TCAIM: variants seen among roughly 807,000 people sequenced by gnomAD.
TCAIM encodes the protein T-cell activation inhibitor, mitochondrial.
TCAIM carries 36 observed loss-of-function variants against 58.6 expected under a neutral mutation model. The ratio of observed to expected loss-of-function variants is 0.61; its 90% confidence interval spans 0.47 to 0.81. TCAIM has a LOEUF of 0.81. Ranked by LOEUF, TCAIM falls within the 30% of genes least tolerant of loss-of-function variation. The pLI, the probability that TCAIM is intolerant of heterozygous loss-of-function variation, is 0.00. For missense variants in TCAIM, 466 were observed against 579.6 expected, an observed-to-expected ratio of 0.80 and a Z score of 2.01; for synonymous variants, 172 against 193.6, an observed-to-expected ratio of 0.89 and a Z score of 0.93.
chr3:44,371,872 C>A (rs758997407), intron 5 of TCAIM, among the ~76,000 whole-genome samples: 5 of 152,100 alleles, frequency 3.3e-5, no homozygotes, highest in Non-Finnish European at 7.4e-5. Flanking sequence ...ACAGTTGACC[C>A]TTGAAGAATG....
chr3:44,341,049 C>T (rs1012208645), intron 1 of TCAIM: 7 of 152,042 alleles, frequency 4.6e-5, no homozygotes, highest in Non-Finnish European at 1.0e-4. Flanking sequence ...AGGAAGTGAT[C>T]ATCTTAGAGC....
intron 5 of TCAIM, among the ~76,000 whole-genome samples, chr3:44,375,050 A>T (rs1029088902): frequency 1.3e-5 from 2 of 152,170 alleles, no homozygotes; most frequent in African/African-American, 4.8e-5. Flanking sequence ...TAGTCCTTGT[A>T]CGTGGTATTC....
chr3:44,384,661 G>C (rs1479702849), intron 5 of TCAIM, among the ~76,000 whole-genome samples: 1 of 152,160 alleles, frequency 6.6e-6, no homozygotes, highest in Admixed American at 6.5e-5. Context: ...TGCTTGATGT[G>C]GGAACAGATC....
chr3:44,358,272 T>G, intron 3 of TCAIM: 11 of 1,166,664 alleles, frequency 9.4e-6, no homozygotes, highest in Non-Finnish European at 1.3e-5. Context: ...TGATGCATGC[T>G]GCTGGACCAC....
At chr3:44,380,674 A>C (rs1423004170) in intron 5 of TCAIM, among the ~76,000 whole-genome samples, 1 of 152,302 alleles carries the variant, frequency 6.6e-6, no homozygotes, top group East Asian at 1.9e-4. Context: ...GATATTAGAT[A>C]AACAAAATGG....
intron 1 of TCAIM, among the ~76,000 whole-genome samples, chr3:44,354,412 A>G (rs1701152076): frequency 6.6e-6 from 1 of 152,106 alleles, no homozygotes; most frequent in South Asian, 2.1e-4. Context: ...GTCTCTCTTT[A>G]TAAACTTTAG....
intron 3 of TCAIM, chr3:44,358,832 T>G (rs1701247869): frequency 1.5e-5 from 15 of 985,296 alleles, no homozygotes; most frequent in Non-Finnish European, 1.1e-5. Flanking sequence ...ATCTTGAAAA[T>G]TAGAACATCG....
intron 6 of TCAIM, among the ~76,000 whole-genome samples, chr3:44,394,924 ATATATATATATATATATATATAT>A (rs1701908534): frequency 9.7e-5 from 2 of 20,690 alleles, no homozygotes; most frequent in African/African-American, 2.0e-4. Flanking sequence ...AAAAAAAAAT[ATATATATATATATATATATATAT>A]ATATATATAT....
rs1449550654 is a variant in TCAIM, at chr3:44,409,366, T to C, written c.*1684T>C. ...TTTGGATTATACGATTTCTAAAATA[T>C]ACTAATACAGAATCCTCAGTAATAT... On this transcript the variant is annotated 3_prime_UTR_variant, in exon 11 of 11. Transcript: ENST00000342649. 2.0e-5 allele frequency: 3 copies of C among 152,214 alleles called. No homozygotes were observed. The highest frequency in any genetic ancestry group is 4.4e-5 in the Non-Finnish European group (3 of 68,026). 9.4% of individuals were successfully genotyped at this position (152,214 alleles called of 1,614,324 possible). A position where few individuals can be genotyped will look rare whatever the true frequency, so the allele number is the denominator to read the frequency against.
chr3:44,402,720 G>A (rs1702039361), intron 10 of TCAIM, among the ~76,000 whole-genome samples: 1 of 152,122 alleles, frequency 6.6e-6, no homozygotes, highest in South Asian at 2.1e-4. Context: ...CTGGAGCACA[G>A]TCAAGTGGGA....
At chr3:44,392,823 G>A (rs758946790) in intron 5 of TCAIM, 32 bp from the exon 6 acceptor site, 1 of 1,586,096 alleles carries the variant, frequency 6.3e-7, no homozygotes, top group East Asian at 2.2e-5. Flanking sequence ...ATTATAGTTA[G>A]TATTGTAAAG....
chr3:44,379,887 A>G (rs1171372518), intron 5 of TCAIM, among the ~76,000 whole-genome samples: 1 of 152,100 alleles, frequency 6.6e-6, no homozygotes, highest in Non-Finnish European at 1.5e-5. Context: ...TTAAAATTAT[A>G]TCTAGGGAAG....
At chr3:44,359,109 A>G (rs947843375) in intron 3 of TCAIM, 3 of 980,472 alleles carry the variant, frequency 3.1e-6, no homozygotes, top group Non-Finnish European at 2.4e-6. Flanking sequence ...TGTATGCAGC[A>G]GGGCATGGTG....
chr3:44,396,138 A>G (rs1037113310), intron 6 of TCAIM, among the ~76,000 whole-genome samples: 2 of 152,268 alleles, frequency 1.3e-5, no homozygotes, highest in African/African-American at 2.4e-5. Flanking sequence ...AAATAGAAAC[A>G]TCTTATATTT....
intron 1 of TCAIM, chr3:44,340,308 G>C (rs962544105): frequency 2.2e-4 from 33 of 152,118 alleles, no homozygotes; most frequent in African/African-American, 7.7e-4. Context: ...CAGTTATCAG[G>C]CCTTCTAATT....
chr3:44,366,848 C>T (rs977305593), intron 4 of TCAIM, among the ~76,000 whole-genome samples: 1 of 152,262 alleles, frequency 6.6e-6, no homozygotes. Flanking sequence ...AATCCACCCA[C>T]CTTGGCCTCC....
At chr3:44,393,348 C>G (rs554317733) in intron 6 of TCAIM, among the ~76,000 whole-genome samples, 57 of 151,998 alleles carry the variant, frequency 3.8e-4, no homozygotes, top group African/African-American at 1.4e-3. Flanking sequence ...GTAGTCTCAG[C>G]TACTTGGAAG....
intron 10 of TCAIM, among the ~76,000 whole-genome samples, chr3:44,405,329 A>G (rs1424903403): frequency 6.6e-6 from 1 of 152,236 alleles, no homozygotes; most frequent in Non-Finnish European, 1.5e-5. Context: ...ATCAAAATGT[A>G]CAGTAATAGA....
chr3:44,405,198 C>G (rs541380929), intron 10 of TCAIM, among the ~76,000 whole-genome samples: 18 of 152,270 alleles, frequency 1.2e-4, no homozygotes, highest in African/African-American at 4.1e-4. Context: ...TGAGAATCAA[C>G]CAGCTCTCCC....
Sources: allele counts gnomAD v4.1 joint callset (sites outside exome capture counted in the v4.1 genomes callset), GRCh38; gene constraint gnomAD v4.1.1; transcripts MANE v1.5; gene names NCBI Gene and HGNC (gene_info 2026-07-23, HGNC 2026-07-21).